The following MGST1 variants were observed in gnomAD, a reference collection of about 807,000 sequenced individuals.
MGST1 encodes glutathione S-transferase 12.
MGST1 carries 5 observed loss-of-function variants against 8.9 expected under a neutral mutation model. That is an observed-to-expected ratio of 0.56 (90% CI 0.29 to 1.19). MGST1 has a LOEUF of 1.19. Among genes scored for constraint, MGST1 ranks in the 50% most tolerant of loss-of-function variants. MGST1 has a pLI of 0.08. For missense variants in MGST1, 182 were observed against 187.4 expected (o/e 0.97, Z 0.17); for synonymous variants, 54 against 67.8 (o/e 0.80, Z 1.00).
intron 3 of MGST1, chr12:16,376,112 A>G: frequency 7.6e-7 from 1 of 1,314,694 alleles, no homozygotes; most frequent in Non-Finnish European, 1.0e-6. Context: ...ATTTTTTTTT[A>G]ATTGTTTAGA....
chr12:16,523,539 T>A (rs1347253958), intron 4 of MGST1, among the ~76,000 whole-genome samples: 2 of 152,032 alleles, frequency 1.3e-5, no homozygotes, highest in Non-Finnish European at 2.9e-5. Context: ...CACTTGCTGT[T>A]TTACCTTCAT....
intron 1 of MGST1, among the ~76,000 whole-genome samples, chr12:16,395,351 G>A (rs1940595519): frequency 6.6e-6 from 1 of 152,108 alleles, no homozygotes; most frequent in Admixed American, 6.5e-5. Flanking sequence ...TAGTTACATT[G>A]ATCTATGCGT....
intron 4 of MGST1, among the ~76,000 whole-genome samples, chr12:16,502,792 T>A (rs1179510164): frequency 6.6e-6 from 1 of 152,224 alleles, no homozygotes; most frequent in African/African-American, 2.4e-5. Flanking sequence ...TAAACATATA[T>A]AAATTGCTTG....
At chr12:16,554,087 T>A (rs1466497749) in intron 4 of MGST1, among the ~76,000 whole-genome samples, 1 of 152,184 alleles carries the variant, frequency 6.6e-6, no homozygotes. Context: ...ATTCTGATGT[T>A]TTGGAATTAA....
chr12:16,513,479 G>C lies in MGST1; in HGVS notation n.483-76049G>C. The stretch of plus-strand genomic sequence containing the variant: ...GCCTCTGATGCCCCTGCCAGAGCCA[G>C]CTCCTGGTGGACCCATGTGGAGATG... On this transcript the variant is annotated intron_variant and non_coding_transcript_variant, in intron 4 of 4. Transcript: ENST00000538857. The surrounding 1 kb of genome is among the most constrained non-coding windows in gnomAD (Gnocchi z 4.2). 1 of 445,426 alleles carries C rather than the reference G, an allele frequency of 2.2e-6. No individual in the cohort carries two copies. Among genetic ancestry groups the C allele is most frequent in the South Asian group, 1.7e-5 (1 of 58,914 alleles). The allele number at this position is 445,426 out of a possible 1,614,324, so 27.6% of individuals were successfully genotyped here.
intron 1 of MGST1, among the ~76,000 whole-genome samples, chr12:16,422,094 AT>A (rs1184199049): frequency 1.8e-4 from 28 of 152,208 alleles, no homozygotes; most frequent in Non-Finnish European, 4.0e-4. Flanking sequence ...TCTTGCACCC[AT>A]TTGTCAGAAC....
chr12:16,525,090 G>C (rs1384173306), intron 4 of MGST1, among the ~76,000 whole-genome samples: 1 of 151,730 alleles, frequency 6.6e-6, no homozygotes, highest in East Asian at 1.9e-4. Flanking sequence ...ATGTGAAATA[G>C]AATAAATTGG....
chr12:16,509,230 G>A (rs910172990), intron 4 of MGST1, among the ~76,000 whole-genome samples: 3 of 152,006 alleles, frequency 2.0e-5, no homozygotes, highest in East Asian at 1.9e-4. Context: ...ATATAACATA[G>A]TTAATTATTA....
intron 4 of MGST1, among the ~76,000 whole-genome samples, chr12:16,492,408 G>T (rs1025519910): frequency 5.3e-5 from 8 of 152,086 alleles, no homozygotes; most frequent in Non-Finnish European, 8.8e-5. Context: ...ACATTAGCGC[G>T]GTTTGTGTTA....
chr12:16,528,112 C>A (rs1206266016), intron 4 of MGST1, among the ~76,000 whole-genome samples: 2 of 152,010 alleles, frequency 1.3e-5, no homozygotes, highest in Non-Finnish European at 2.9e-5. Flanking sequence ...GTAGACCTAG[C>A]CAGATGATGA....
intron 4 of MGST1, among the ~76,000 whole-genome samples, chr12:16,553,127 T>C (rs191850658): frequency 2.5e-4 from 38 of 152,276 alleles, no homozygotes; most frequent in Admixed American, 2.5e-3. Context: ...AGCATGTATG[T>C]ACATGATCAC....
rs377640189 is a variant in MGST1, at chr12:16,562,851, A to G, written n.483-26677A>G. On this transcript the variant is annotated intron_variant and non_coding_transcript_variant, in intron 4 of 4. Transcript: ENST00000538857. ...TCTCTGATGGCTGCCCGTACGGCGC[A>G]CTGCTACCAGTGTACTTTCCACTAC... is the stretch of plus-strand genomic sequence containing the variant. Among the ~76,000 whole-genome samples the G allele has an allele frequency of 1.9e-4, 29 of 152,354 alleles. No homozygotes were observed. The South Asian group carries it at 6.0e-3, about 32-fold the overall frequency.
chr12:16,515,317 C>T (rs1425767011), intron 4 of MGST1, among the ~76,000 whole-genome samples: 1 of 152,134 alleles, frequency 6.6e-6, no homozygotes. Context: ...TCCCATTCTA[C>T]CGCATGATTG....
chr12:16,406,830 G>T (rs1565448458), intron 1 of MGST1, among the ~76,000 whole-genome samples: 1 of 152,226 alleles, frequency 6.6e-6, no homozygotes, highest in Non-Finnish European at 1.5e-5. Context: ...AGTAAATGGT[G>T]CTGGGATAAC....
Position 16,555,913 on chromosome 12 carries a change from C to A in MGST1, n.483-33615C>A, listed in dbSNP as rs1227147562. The stretch of plus-strand genomic sequence containing the variant: ...TTTTTTCAAGACCCAGCATATCAGG[C>A]CTTTGATGCTTCCCTAACACTTCAA... On this transcript the variant is annotated intron_variant and non_coding_transcript_variant, in intron 4 of 4. Transcript: ENST00000538857. This position sits in a 1 kb window ranked among gnomAD's most constrained non-coding sequence, Gnocchi z 5.5. Among the ~76,000 whole-genome samples the A allele has an allele frequency of 1.3e-5, 2 of 152,106 alleles. No individual in the cohort carries two copies. The highest frequency in any genetic ancestry group is 2.9e-5 in the Non-Finnish European group (2 of 68,018).
intron 4 of MGST1, among the ~76,000 whole-genome samples, chr12:16,470,182 TCTACATA>T (rs1160937155): frequency 1.3e-5 from 2 of 152,220 alleles, no homozygotes; most frequent in Admixed American, 1.3e-4. Flanking sequence ...TGGGGAACTT[TCTACATA>T]AAAAAAAATC....
At chr12:16,452,004 G>A (rs999553537) in intron 4 of MGST1, among the ~76,000 whole-genome samples, 1 of 151,894 alleles carries the variant, frequency 6.6e-6, no homozygotes, top group East Asian at 2.0e-4. Flanking sequence ...TCCAGCCAGA[G>A]CAAGTAATTA....
intron 1 of MGST1, among the ~76,000 whole-genome samples, chr12:16,394,528 T>C (rs976234287): frequency 0.065 from 2,134 of 33,006 alleles, 131 homozygotes; most frequent in African/African-American, 0.14. Context: ...CTTTCTTTCT[T>C]TCTTTCTTTC....
At chr12:16,353,802 C>T (rs1336669413) in intron 1 of MGST1, among the ~76,000 whole-genome samples, 1 of 148,994 alleles carries the variant, frequency 6.7e-6, no homozygotes, top group Non-Finnish European at 1.5e-5. Flanking sequence ...CTCTGTCGCC[C>T]AGGCTACAGT....
Sources: allele counts gnomAD v4.1 joint callset (sites outside exome capture counted in the v4.1 genomes callset), GRCh38; gene constraint gnomAD v4.1.1; non-coding constraint Gnocchi (gnomAD v3.1); transcripts MANE v1.5; gene names NCBI Gene and HGNC (gene_info 2026-07-23, HGNC 2026-07-21).